Variants in PGBD2 observed in about 807,000 individuals in gnomAD.
PGBD2 encodes piggyBac transposable element derived 2.
Under a neutral mutation model 8.1 loss-of-function variants are expected in PGBD2, and 6 were observed. The ratio of observed to expected loss-of-function variants is 0.74; its 90% CI spans 0.40 to 1.46. The LOEUF (loss-of-function observed/expected upper bound fraction) is 1.46, where lower values mean the gene tolerates loss of function less well. Ranked by LOEUF, PGBD2 falls within the 40% of genes most tolerant of loss-of-function variation. The probability of loss-of-function intolerance (pLI) is 0.02; values close to 1 mark genes in which losing one functional copy is unlikely to be tolerated. For synonymous variants in PGBD2, 318 were observed against 272.2 expected (o/e 1.17, Z -1.66); for missense variants, 802 against 739.0 (o/e 1.09, Z -0.99).
Position 248,919,131 on chromosome 1 carries a change from AT to A in PGBD2, c.*770del, listed in dbSNP as rs1366242726. ...TAGTTATTTTAAAATGTGCAATTAAATTATTTTTAACTATATTCACCCTGTT... is the reference window on the plus strand; with the variant it reads ...TAGTTATTTTAAAATGTGCAATTAAATATTTTTAACTATATTCACCCTGTT... On this transcript the variant is annotated 3_prime_UTR_variant, in exon 3 of 3. Coordinates refer to ENST00000329291, the MANE Select transcript of PGBD2 (RefSeq NM_170725.3). The A allele has an allele frequency of 6.0e-6, 1 of 167,024 alleles. No homozygotes were observed. The allele number at this position is 167,024 out of a possible 1,614,324, so 10.3% of individuals were successfully genotyped here.
At chr1:248,928,134 C>T in the PGBD2 span, among the ~76,000 whole-genome samples, 8 of 152,234 alleles carry the variant, frequency 5.3e-5, no homozygotes, top group African/African-American at 1.7e-4. Flanking sequence ...TCCCAGCAGC[C>T]TTTGTCACTT....
intron 1 of PGBD2, among the ~76,000 whole-genome samples, chr1:248,908,099 A>T (rs576802464): frequency 6.6e-6 from 1 of 152,326 alleles, no homozygotes; most frequent in African/African-American, 2.4e-5. Context: ...GGATATTAAC[A>T]CCTACAGGCC....
At chr1:248,910,207 G>A (rs954492582) in intron 1 of PGBD2, among the ~76,000 whole-genome samples, 5 of 152,228 alleles carry the variant, frequency 3.3e-5, no homozygotes, top group African/African-American at 4.8e-5. Flanking sequence ...GCAGCAAAAT[G>A]TATGGATATT....
chr1:248,925,359 A>G, the PGBD2 span, among the ~76,000 whole-genome samples: 1 of 152,212 alleles, frequency 6.6e-6, no homozygotes, highest in African/African-American at 2.4e-5. Context: ...AGAATTGTCC[A>G]CTGTTGAGCA....
At chr1:248,885,565 A>G in the PGBD2 span, among the ~76,000 whole-genome samples, 4 of 152,188 alleles carry the variant, frequency 2.6e-5, no homozygotes, top group Non-Finnish European at 5.9e-5. Context: ...CCTCCTTTGA[A>G]TTAGACATGG....
the PGBD2 span, among the ~76,000 whole-genome samples, chr1:248,895,353 C>G: frequency 6.6e-6 from 1 of 152,122 alleles, no homozygotes; most frequent in Non-Finnish European, 1.5e-5. Flanking sequence ...CCAGCCCAAC[C>G]TGGCACACAA....
Position 248,918,257 on chromosome 1 carries a change from A to G in PGBD2, c.1673A>G (p.Asp558Gly), listed in dbSNP as rs1206767211. The change falls in exon 3 of 3, where the codon GAC becomes GGC. Residue 558 changes from aspartate to glycine, a missense_variant. Asp to Gly is a moderately conservative substitution (Grantham distance 94). Transcript: ENST00000329291. ...DMIGHWIIHQ[D>G]KRTRCALCHS... ...ATTGGGCACTGGATTATCCATCAGG[A>G]CAAGAGGACCCGGTGTGCCCTCTGC... 1 of 1,613,564 alleles carries G rather than the reference A, an allele frequency of 6.2e-7. No individual in the cohort carries two copies. Among genetic ancestry groups the G allele is most frequent in the Admixed American group, 1.7e-5 (1 of 59,972 alleles).
chr1:248,918,264 G>A lies in PGBD2; in HGVS notation c.1680G>A (p.Arg560=). Residue 560 remains arginine, a synonymous_variant, in exon 3 of 3, where the codon AGG becomes AGA. Transcript: ENST00000329291. ...ACTGGATTATCCATCAGGACAAGAG[G>A]ACCCGGTGTGCCCTCTGCCACTCAC... ...IGHWIIHQDK[R]TRCALCHSQT... is the part of the protein sequence containing the mutation. The A allele has an allele frequency of 6.2e-7, 1 of 1,612,182 alleles. No homozygotes were observed. The highest frequency in any genetic ancestry group is 8.5e-7 in the Non-Finnish European group (1 of 1,178,970).
chr1:248,874,394 C>G, the PGBD2 span, among the ~76,000 whole-genome samples: 1 of 152,154 alleles, frequency 6.6e-6, no homozygotes, highest in African/African-American at 2.4e-5. Context: ...GACTTGACTT[C>G]TAAACAAAGG....
At chr1:248,873,020 TG>T in the PGBD2 span, among the ~76,000 whole-genome samples, 1 of 152,376 alleles carries the variant, frequency 6.6e-6, no homozygotes, top group Non-Finnish European at 1.5e-5. Flanking sequence ...TCTGTACATG[TG>T]ATTGTGCTGG....
intron 2 of PGBD2, among the ~76,000 whole-genome samples, chr1:248,915,100 G>T (rs956040458): frequency 6.6e-6 from 1 of 152,178 alleles, no homozygotes; most frequent in African/African-American, 2.4e-5. Context: ...GTTGCATTCT[G>T]TCCTTATCCG....
the PGBD2 span, among the ~76,000 whole-genome samples, chr1:248,879,763 A>G: frequency 6.6e-6 from 1 of 152,202 alleles, no homozygotes; most frequent in African/African-American, 2.4e-5. Flanking sequence ...GATGATTTAT[A>G]TAGTTCCTCT....
chr1:248,905,437 G>T (rs1466395455), upstream of PGBD2, among the ~76,000 whole-genome samples: 2 of 151,656 alleles, frequency 1.3e-5, no homozygotes, highest in African/African-American at 4.9e-5. Context: ...TTATAGAGCC[G>T]TGATTCTCAA....
the PGBD2 span, among the ~76,000 whole-genome samples, chr1:248,899,797 G>GA: frequency 0.029 from 3,681 of 125,750 alleles, 124 homozygotes; most frequent in African/African-American, 0.088. Context: ...TTTTTTTTGG[G>GA]AAAAAAAAAA....
Position 248,917,628 on chromosome 1 carries a change from AT to A in PGBD2, c.1050del (p.Phe350LeufsTer10). 6.2e-7 allele frequency: 1 copy of A among 1,614,162 alleles called. No homozygotes were observed. Among genetic ancestry groups the A allele is most frequent in the African/African-American group, 1.3e-5 (1 of 75,026 alleles). On this transcript the variant is annotated frameshift_variant, in exon 3 of 3. Coordinates refer to ENST00000329291, the MANE Select transcript of PGBD2 (RefSeq NM_170725.3). LOFTEE classifies it low-confidence loss of function (END_TRUNC). ...QERGFLPYHI[F>X]FDKVFTSVKL... Reference sequence around the variant, plus strand: ...AGCGTGGTTTTCTGCCATATCACATATTTTTTGACAAGGTTTTCACAAGTGT... The same window carrying A: ...AGCGTGGTTTTCTGCCATATCACATATTTTTGACAAGGTTTTCACAAGTGT...
downstream of PGBD2, chr1:248,919,260 A>G (rs1662233089): frequency 6.0e-6 from 1 of 166,858 alleles, no homozygotes; most frequent in Admixed American, 6.6e-5. Flanking sequence ...AAGCTCTGGT[A>G]ACCTTCTTTC....
the PGBD2 span, among the ~76,000 whole-genome samples, chr1:248,929,426 T>C: frequency 1.3e-5 from 2 of 152,236 alleles, no homozygotes; most frequent in African/African-American, 4.8e-5. Flanking sequence ...TTTAGTAATC[T>C]ATTTTGCTGT....
chr1:248,877,236 G>A, the PGBD2 span, among the ~76,000 whole-genome samples: 1 of 152,140 alleles, frequency 6.6e-6, no homozygotes, highest in Non-Finnish European at 1.5e-5. Flanking sequence ...TGTCCAAAAT[G>A]AGCCTGTTTT....
chr1:248,906,823 G>C (rs1661658581), intron 1 of PGBD2, among the ~76,000 whole-genome samples: 1 of 152,136 alleles, frequency 6.6e-6, no homozygotes, highest in African/African-American at 2.4e-5. Flanking sequence ...GTTTCTGAGG[G>C]TCTTTGTTTG....
Sources: allele counts gnomAD v4.1 joint callset (sites outside exome capture counted in the v4.1 genomes callset), GRCh38; gene constraint gnomAD v4.1.1; transcripts MANE v1.5; gene names NCBI Gene and HGNC (gene_info 2026-07-23, HGNC 2026-07-21).